The following TECPR1 variants were observed in gnomAD, a reference collection of about 807,000 sequenced individuals.
The protein encoded by TECPR1 is tectonin beta-propeller repeat containing 1.
TECPR1 carries 122 observed loss-of-function variants against 162.4 expected under a neutral mutation model. The observed-to-expected ratio is 0.75, with a 90% confidence interval of 0.65 to 0.87. The LOEUF (loss-of-function observed/expected upper bound fraction) is 0.87, where lower values mean the gene tolerates loss of function less well. Ranked by LOEUF, TECPR1 falls within the 40% of genes least tolerant of loss-of-function variation. TECPR1 has a pLI of 0.00. For missense variants in TECPR1, 1,432 were observed against 1,618.2 expected (o/e 0.88, Z 1.97); for synonymous variants, 642 against 670.6 (o/e 0.96, Z 0.66).
rs576556284 is a variant in TECPR1, at chr7:98,248,716, G to A, written c.-19-2551C>T. ...GTGAAAATTAGCCAGGCACAGTGGC[G>A]CGTGCCTGTAATCTCAGTTACTCAG... On this transcript the variant is annotated intron_variant, in intron 2 of 25. Coordinates refer to ENST00000447648, the MANE Select transcript of TECPR1 (RefSeq NM_015395.3). Among the ~76,000 whole-genome samples the A allele has an allele frequency of 4.6e-5, 7 of 151,782 alleles. No homozygotes were observed. In the East Asian group the frequency reaches 9.9e-4, roughly 21 times the overall value.
rs755262192 is a variant in TECPR1, at chr7:98,217,478, C to T, written c.3410G>A (p.Arg1137Gln). 8.7e-6 allele frequency: 14 copies of T among 1,609,418 alleles called. No individual in the cohort carries two copies. The highest frequency in any genetic ancestry group is 3.4e-5 in the Admixed American group (2 of 59,546). The change falls in exon 26 of 26, where the codon CGG (arginine) becomes CAG (glutamine). Residue 1137 changes from arginine to glutamine, a missense_variant. Transcript: ENST00000447648. ...IGGGWDHISV[R>Q]ANATRAPRSS... ...CCGGGGGGCCCTGGTGGCATTGGCC[C>T]GGACAGAGATATGGTCCCAGCCTCC...
At chr7:98,235,853 A>AACAACT (rs1798589027) in intron 10 of TECPR1, among the ~76,000 whole-genome samples, 1 of 146,068 alleles carries the variant, frequency 6.8e-6, no homozygotes, top group Non-Finnish European at 1.5e-5. Context: ...AAAAAAAAAC[A>AACAACT]CCATCTGAGC....
Position 98,240,915 on chromosome 7 carries a change from T to C in TECPR1, c.869A>G (p.Glu290Gly). 1 of 1,609,472 alleles carries C rather than the reference T, an allele frequency of 6.2e-7. No individual in the cohort carries two copies. Among genetic ancestry groups the C allele is most frequent in the African/African-American group, 1.3e-5 (1 of 74,812 alleles). Residue 290 changes from glutamate (E) to glycine (G), a missense_variant, in exon 8 of 26, where the codon GAA becomes GGA. By Grantham distance (98) the Glu-to-Gly change is moderately conservative. Coordinates refer to ENST00000447648, the MANE Select transcript of TECPR1 (RefSeq NM_015395.3). ...SWSIVEPPGSENGVMHISVGV... is the reference protein window; with the variant it reads ...SWSIVEPPGSGNGVMHISVGV... ...CACCGAGATGTGCATGACCCCGTTT[T>C]CAGATCCAGGAGGCTCCACGATGGA...
At chr7:98,224,905 T>C (rs755702581) in intron 18 of TECPR1, 25 bp from the exon 19 acceptor site, 2 of 1,554,860 alleles carry the variant, frequency 1.3e-6, no homozygotes, top group East Asian at 2.4e-5. Flanking sequence ...TCAGTGAGGA[T>C]GGGACCCCCC....
rs1349370788 is a variant in TECPR1, at chr7:98,241,610, C to T, written c.658-366G>A. On this transcript the variant is annotated intron_variant, in intron 6 of 25. Transcript: ENST00000447648. The surrounding 1 kb of genome is among the most constrained non-coding windows in gnomAD (Gnocchi z 5.0). ...TCCAGGGGAGGCTCCAACTCCCATTCATAAACTATCTAAGACGTCAGTTCT... is the reference window on the plus strand; with the variant it reads ...TCCAGGGGAGGCTCCAACTCCCATTTATAAACTATCTAAGACGTCAGTTCT... 6.6e-6 allele frequency among the ~76,000 whole-genome samples: 1 copy of T among 152,224 alleles called. No homozygotes were observed. The highest frequency in any genetic ancestry group is 2.4e-5 in the African/African-American group (1 of 41,454).
chr7:98,233,677 G>C lies in TECPR1; in HGVS notation c.1416C>G (p.Pro472=). 6.2e-7 allele frequency: 1 copy of C among 1,605,290 alleles called. No homozygotes were observed. The highest frequency in any genetic ancestry group is 1.1e-5 in the South Asian group (1 of 90,580). The change falls in exon 11 of 26, where the codon CCC becomes CCG. Residue 472 remains proline (P), a synonymous_variant. Transcript: ENST00000447648. ...TGGGGGCCGGGCCGGGGTGCGTGTTGGGTCTGGCCTCCCTGCTGCCCTCGG... is the reference window on the plus strand; with the variant it reads ...TGGGGGCCGGGCCGGGGTGCGTGTTCGGTCTGGCCTCCCTGCTGCCCTCGG... ...CPAEGSREAR[P]NTHPGPAPTP...
chr7:98,219,892 A>G (rs1448629283), intron 23 of TECPR1, among the ~76,000 whole-genome samples: 2 of 151,786 alleles, frequency 1.3e-5, no homozygotes, highest in Non-Finnish European at 2.9e-5. Flanking sequence ...CAAGAGCAGA[A>G]CTCCATCTCA....
rs1037954274 is a variant in TECPR1, at chr7:98,224,745, C to T, written c.2690+56G>A. The T allele has an allele frequency of 1.2e-5, 18 of 1,503,190 alleles. No homozygotes were observed. The Admixed American group carries it at 2.6e-4, about 22-fold the overall frequency. 93.1% of individuals were successfully genotyped at this position (1,503,190 alleles called of 1,614,324 possible). On this transcript the variant is annotated intron_variant, in intron 19 of 25. Transcript: ENST00000447648. The stretch of plus-strand genomic sequence containing the variant: ...GCAGTGAGGCCAGAGGCCACACACT[C>T]CAGGGCCCTGACATTCAGGACCCAG...
At chr7:98,231,468 C>T (rs1798433695) in intron 13 of TECPR1, 95 bp from the exon 14 acceptor site, 2 of 1,329,862 alleles carry the variant, frequency 1.5e-6, no homozygotes, top group African/African-American at 1.5e-5. Flanking sequence ...GACCCTGGCC[C>T]TCGGACACCC....
At chr7:98,246,954 A>G (rs1042038840) in intron 2 of TECPR1, among the ~76,000 whole-genome samples, 7 of 151,630 alleles carry the variant, frequency 4.6e-5, no homozygotes, top group East Asian at 4.1e-4. Context: ...CCTGGTCAAC[A>G]TGGTGAAACC....
At chr7:98,226,928 G>C (rs1391500750) in intron 17 of TECPR1, among the ~76,000 whole-genome samples, 2 of 151,492 alleles carry the variant, frequency 1.3e-5, no homozygotes, top group Admixed American at 6.6e-5. Flanking sequence ...GTGAGACTGT[G>C]TCTCAAAAAA....
rs1435433819 is a variant in TECPR1 at position 98,235,848 on chromosome 7, A to AC, written c.1181+927_1181+928insG. ...GTCTCAAAAAAAAAAAAAAAAAAAA[A>AC]AAACACCATCTGAGCAGACTAAACC... is the stretch of plus-strand genomic sequence containing the variant. On this transcript the variant is annotated intron_variant, in intron 10 of 25. Coordinates refer to ENST00000447648, the MANE Select transcript of TECPR1 (RefSeq NM_015395.3). Among the ~76,000 whole-genome samples the AC allele has an allele frequency of 4.5e-3, 630 of 140,026 alleles. 43 individuals are homozygous for AC. The highest frequency in any genetic ancestry group is 8.1e-3 in the Admixed American group (111 of 13,710). 91.9% of individuals were successfully genotyped at this position (140,026 alleles called of 152,430 possible). A position where few individuals can be genotyped will look rare whatever the true frequency, so the allele number is the denominator to read the frequency against.
At chr7:98,227,794 C>T (rs927334070) in intron 17 of TECPR1, among the ~76,000 whole-genome samples, 5 of 139,598 alleles carry the variant, frequency 3.6e-5, no homozygotes, top group African/African-American at 1.3e-4. Context: ...GGCACTCCAG[C>T]CTGGGTGACA....
intron 2 of TECPR1, among the ~76,000 whole-genome samples, chr7:98,249,357 C>G (rs577538983): frequency 1.3e-5 from 2 of 152,084 alleles, no homozygotes; most frequent in African/African-American, 2.4e-5. Flanking sequence ...GGAGGAAGCC[C>G]GGGGAGTAAG....
In TECPR1 at chr7:98,232,959, C is replaced by T. The variant is rs762392502; in HGVS notation, c.1686G>A (p.Ser562=). The change falls in exon 12 of 26, where the codon TCG becomes TCA. Residue 562 remains serine (S), a synonymous_variant. Coordinates refer to ENST00000447648, the MANE Select transcript of TECPR1 (RefSeq NM_015395.3). The surrounding 1 kb of genome is among the most constrained non-coding windows in gnomAD (Gnocchi z 4.6). ...TGATGGACAGGGACAGCATGTGTAC[C>T]GAGGAGGACAGGCCTGTGGGGCAGA... ...WFTVQAGLSS[S]VHMLSLSITP... is the part of the protein sequence containing the mutation. The T allele has an allele frequency of 3.4e-5, 54 of 1,611,444 alleles. No individual in the cohort carries two copies. The highest frequency in any genetic ancestry group is 3.9e-5 in the Non-Finnish European group (46 of 1,179,442).
At chr7:98,246,842 C>T (rs533232538) in intron 2 of TECPR1, among the ~76,000 whole-genome samples, 5 of 152,096 alleles carry the variant, frequency 3.3e-5, no homozygotes, top group South Asian at 4.1e-4. Flanking sequence ...CTCTGCCTCC[C>T]GAAGTGTTGG....
chr7:98,228,035 G>A lies in TECPR1; in HGVS notation c.2492C>T (p.Pro831Leu). 6.2e-7 allele frequency: 1 copy of A among 1,612,852 alleles called. No individual in the cohort carries two copies. The highest frequency in any genetic ancestry group is 8.5e-7 in the Non-Finnish European group (1 of 1,179,536). Reference sequence around the variant, plus strand: ...TTACCTGCTGGTGTAGCCTGTGACGGGGTTCCAGCGCTGGTTCTCATAGAT... The same window carrying A: ...TTACCTGCTGGTGTAGCCTGTGACGAGGTTCCAGCGCTGGTTCTCATAGAT... ...VHIYENQRWN[P>L]VTGYTSRGLP... is the part of the protein sequence containing the mutation. Residue 831 changes from proline to leucine, a missense_variant, in exon 17 of 26, where the codon CCC becomes CTC. Transcript: ENST00000447648.
intron 23 of TECPR1, among the ~76,000 whole-genome samples, chr7:98,218,657 C>A (rs1335012488): frequency 1.3e-5 from 2 of 152,094 alleles, no homozygotes; most frequent in East Asian, 3.8e-4. Context: ...TGTACTTAAC[C>A]AAGGAGGTGA....
At chr7:98,239,794 C>A (rs1209037578) in intron 8 of TECPR1, among the ~76,000 whole-genome samples, 2 of 151,784 alleles carry the variant, frequency 1.3e-5, no homozygotes, top group Admixed American at 6.6e-5. Flanking sequence ...GCCAGGGAAA[C>A]CCCCTTGACA....
Sources: gnomAD v4.1 joint callset for allele counts (sites outside exome capture counted in the v4.1 genomes callset) on GRCh38, gnomAD v4.1.1 for gene constraint, Gnocchi (gnomAD v3.1) non-coding constraint, MANE v1.5 for transcripts, NCBI Gene and HGNC (gene_info 2026-07-23, HGNC 2026-07-21) for gene names.